The following C8orf88 variants were observed in gnomAD, a reference collection of about 807,000 sequenced individuals.
C8orf88 encodes uncharacterized protein C8orf88.
In C8orf88, 14 loss-of-function variants were observed where a neutral mutation model predicts 18.4. The ratio of observed to expected loss-of-function variants is 0.76; its 90% CI spans 0.50 to 1.19. The LOEUF (loss-of-function observed/expected upper bound fraction) is 1.19. Ranked by LOEUF, C8orf88 falls within the 50% of genes most tolerant of loss-of-function variation. The pLI is 0.00. For synonymous variants in C8orf88, 45 were observed against 42.9 expected, an observed-to-expected ratio of 1.05 and a Z score of -0.19; for missense variants, 116 against 134.7, an observed-to-expected ratio of 0.86 and a Z score of 0.69.
chr8:90,963,307 AACT>A (rs985679029), intron 4 of C8orf88, among the ~76,000 whole-genome samples: 1 of 151,702 alleles, frequency 6.6e-6, no homozygotes, highest in Non-Finnish European at 1.5e-5. Context: ...AGCTAACAAC[AACT>A]ACTACAACAA....
At chr8:90,981,270 G>A (rs2130326893) in intron 1 of C8orf88, among the ~76,000 whole-genome samples, 1 of 152,172 alleles carries the variant, frequency 6.6e-6, no homozygotes, top group South Asian at 2.1e-4. Flanking sequence ...CAATTTGATG[G>A]GCTAAATTAG....
At chr8:90,983,849 G>T (rs1428795827) in intron 1 of C8orf88, among the ~76,000 whole-genome samples, 1 of 152,110 alleles carries the variant, frequency 6.6e-6, no homozygotes, top group African/African-American at 2.4e-5. Flanking sequence ...TTACATAAAA[G>T]AAAGATATCT....
intron 3 of C8orf88, among the ~76,000 whole-genome samples, chr8:90,977,299 C>T (rs1198840190): frequency 6.6e-6 from 1 of 152,142 alleles, no homozygotes; most frequent in East Asian, 1.9e-4. Flanking sequence ...AGGACATAGA[C>T]AAATCAGAGC....
At chr8:90,972,090 C>T (rs1216272203) in intron 3 of C8orf88, among the ~76,000 whole-genome samples, 1 of 151,954 alleles carries the variant, frequency 6.6e-6, no homozygotes, top group African/African-American at 2.4e-5. Context: ...GACATCTATC[C>T]TTAAAAATAA....
chr8:90,983,171 T>C (rs75870352), intron 1 of C8orf88, among the ~76,000 whole-genome samples: 2,297 of 152,194 alleles, frequency 0.015, 44 homozygotes, highest in African/African-American at 0.052. Context: ...GCCTACAACA[T>C]TGGGTAGCAA....
intron 1 of C8orf88, among the ~76,000 whole-genome samples, chr8:90,983,863 T>C (rs1811468925): frequency 1.3e-5 from 2 of 152,190 alleles, no homozygotes; most frequent in Non-Finnish European, 1.5e-5. Flanking sequence ...GATATCTGAC[T>C]GTCCATTTAT....
chr8:90,983,196 A>G (rs1294651123), intron 1 of C8orf88, among the ~76,000 whole-genome samples: 2 of 152,146 alleles, frequency 1.3e-5, no homozygotes, highest in African/African-American at 2.4e-5. Flanking sequence ...TGGGCCTATC[A>G]TAAGGTTGTA....
At chr8:90,984,360 C>T (rs750099240) in intron 1 of C8orf88, among the ~76,000 whole-genome samples, 5 of 152,162 alleles carry the variant, frequency 3.3e-5, no homozygotes, top group Non-Finnish European at 7.3e-5. Context: ...AAACTGCTCA[C>T]ACTGACAAAA....
At chr8:90,973,780 GC>G (rs1330369994) in intron 3 of C8orf88, among the ~76,000 whole-genome samples, 1 of 151,940 alleles carries the variant, frequency 6.6e-6, no homozygotes, top group African/African-American at 2.4e-5. Context: ...ACCCCATCTG[GC>G]CCTTTTATAT....
intron 4 of C8orf88, among the ~76,000 whole-genome samples, chr8:90,962,332 A>G (rs559573571): frequency 3.3e-5 from 5 of 151,746 alleles, no homozygotes; most frequent in Non-Finnish European, 7.4e-5. Flanking sequence ...AAATGAGGAC[A>G]TAAATCAATA....
At chr8:90,968,151 C>T (rs1266379491) in intron 4 of C8orf88, among the ~76,000 whole-genome samples, 1 of 151,832 alleles carries the variant, frequency 6.6e-6, no homozygotes, top group East Asian at 1.9e-4. Flanking sequence ...AGAAGACTTA[C>T]ACTTCCCAAT....
chr8:90,977,001 C>T (rs952047180), intron 3 of C8orf88, among the ~76,000 whole-genome samples: 1 of 152,048 alleles, frequency 6.6e-6, no homozygotes, highest in African/African-American at 2.4e-5. Context: ...GACTCTCTAG[C>T]AGACCATATT....
chr8:90,965,326 T>A (rs968828777), intron 4 of C8orf88, among the ~76,000 whole-genome samples: 1 of 151,782 alleles, frequency 6.6e-6, no homozygotes, highest in Non-Finnish European at 1.5e-5. Flanking sequence ...ATCAAGAAGA[T>A]ATAAGAATTG....
At chr8:90,973,565 C>T (rs975442882) in intron 3 of C8orf88, among the ~76,000 whole-genome samples, 2 of 152,116 alleles carry the variant, frequency 1.3e-5, no homozygotes, top group Non-Finnish European at 2.9e-5. Flanking sequence ...TCACTGTAAC[C>T]TTGAACTCCT....
At chr8:90,975,954 T>A (rs1363430203) in intron 3 of C8orf88, among the ~76,000 whole-genome samples, 6 of 149,988 alleles carry the variant, frequency 4.0e-5, no homozygotes, top group Non-Finnish European at 5.9e-5. Context: ...CAACTACTGA[T>A]ATATACAACA....
intron 3 of C8orf88, among the ~76,000 whole-genome samples, chr8:90,976,772 T>TA (rs1401569978): frequency 6.6e-6 from 1 of 152,052 alleles, no homozygotes; most frequent in Non-Finnish European, 1.5e-5. Context: ...GGAGAAAAAC[T>TA]AGATTTCTAT....
intron 3 of C8orf88, among the ~76,000 whole-genome samples, chr8:90,977,962 A>C (rs1811374857): frequency 6.6e-6 from 1 of 152,156 alleles, no homozygotes; most frequent in South Asian, 2.1e-4. Flanking sequence ...ACAAAACAAA[A>C]CAAAACAAAA....
intron 5 of C8orf88, among the ~76,000 whole-genome samples, 153 bp downstream of exon 5, chr8:90,960,589 A>G (rs1811111413): frequency 6.6e-6 from 1 of 151,450 alleles, no homozygotes; most frequent in Non-Finnish European, 1.5e-5. Flanking sequence ...ACTTTATAAT[A>G]ATTGGTTATA....
chr8:90,978,606 A>G lies in C8orf88; in HGVS notation c.120T>C (p.Thr40=). The G allele has an allele frequency of 6.5e-7, 1 of 1,529,900 alleles. No individual in the cohort carries two copies. The highest frequency in any genetic ancestry group is 8.7e-7 in the Non-Finnish European group (1 of 1,143,596). 94.8% of individuals were successfully genotyped at this position (1,529,900 alleles called of 1,614,324 possible). ...FNFQNEYPCN[T]QCIQSGVSRC... The stretch of plus-strand genomic sequence containing the variant: ...TGCTAACTCCACTTTGTATGCACTG[A>G]GTGTTGCATGGATATTCGTTTTGAA... The change falls in exon 3 of 6, where the codon ACT becomes ACC. Residue 40 remains threonine, a synonymous_variant. Transcript: ENST00000517562.
Sources: allele counts gnomAD v4.1 joint callset (sites outside exome capture counted in the v4.1 genomes callset), GRCh38; gene constraint gnomAD v4.1.1; transcripts MANE v1.5; gene names NCBI Gene and HGNC (gene_info 2026-07-23, HGNC 2026-07-21).